TMEFF2: variants seen among roughly 807,000 people sequenced by gnomAD.
The protein encoded by TMEFF2 is tomoregulin-2.
TMEFF2 carries 28 observed loss-of-function variants against 53.8 expected under a neutral mutation model. The ratio of observed to expected loss-of-function variants is 0.52; its 90% confidence interval spans 0.39 to 0.71. The LOEUF is 0.71. Ranked by LOEUF, TMEFF2 falls within the 30% of genes least tolerant of loss-of-function variation. TMEFF2 has a pLI of 0.00. For synonymous variants in TMEFF2, 162 were observed against 166.3 expected, an observed-to-expected ratio of 0.97 and a Z score of 0.20; for missense variants, 353 against 455.2, an observed-to-expected ratio of 0.78 and a Z score of 2.04.
intron 4 of TMEFF2, among the ~76,000 whole-genome samples, chr2:192,087,965 C>T (rs1229046221): frequency 6.6e-6 from 1 of 152,118 alleles, no homozygotes; most frequent in Non-Finnish European, 1.5e-5. Context: ...CAATTAGTTC[C>T]TGCTCCTCCC....
chr2:191,979,842 CTCTATCTATCTATCGATCTA>C (rs1306834443), intron 7 of TMEFF2, among the ~76,000 whole-genome samples: 1 of 147,252 alleles, frequency 6.8e-6, no homozygotes, highest in African/African-American at 2.7e-5. Context: ...CTATATATAT[CTCTATCTATCTATCGATCTA>C]TCTATCTATC....
At chr2:192,105,472 C>T (rs934858954) in intron 4 of TMEFF2, among the ~76,000 whole-genome samples, 1 of 151,874 alleles carries the variant, frequency 6.6e-6, no homozygotes, top group Admixed American at 6.6e-5. Flanking sequence ...TTGCATCTAT[C>T]CCTCACAACC....
At chr2:192,101,328 G>C (rs1263126855) in intron 4 of TMEFF2, among the ~76,000 whole-genome samples, 1 of 151,952 alleles carries the variant, frequency 6.6e-6, no homozygotes, top group Non-Finnish European at 1.5e-5. Flanking sequence ...CATGTGCAGA[G>C]GCAATTGAAG....
chr2:191,958,580 G>A (rs904865416), intron 7 of TMEFF2, among the ~76,000 whole-genome samples: 13 of 152,178 alleles, frequency 8.5e-5, no homozygotes, highest in African/African-American at 2.9e-4. Context: ...TGAAGTATAA[G>A]GGAAAAATAA....
intron 4 of TMEFF2, among the ~76,000 whole-genome samples, chr2:192,158,819 T>C (rs893306197): frequency 1.1e-4 from 16 of 152,128 alleles, no homozygotes; most frequent in Non-Finnish European, 2.2e-4. Flanking sequence ...CTTTAGTACA[T>C]GAATTTAAAA....
At chr2:192,097,666 C>T (rs765261644) in intron 4 of TMEFF2, among the ~76,000 whole-genome samples, 4 of 152,264 alleles carry the variant, frequency 2.6e-5, no homozygotes, top group South Asian at 4.1e-4. Context: ...ACACAGGTCA[C>T]GTCATTTCTC....
At chr2:192,130,928 T>C (rs922077024) in intron 4 of TMEFF2, among the ~76,000 whole-genome samples, 6 of 150,614 alleles carry the variant, frequency 4.0e-5, no homozygotes, top group Non-Finnish European at 8.9e-5. Flanking sequence ...GAAGGCAGCC[T>C]TCCCTTGGTG....
At chr2:192,148,007 G>T (rs1311948429) in intron 4 of TMEFF2, among the ~76,000 whole-genome samples, 1 of 151,974 alleles carries the variant, frequency 6.6e-6, no homozygotes, top group Non-Finnish European at 1.5e-5. Flanking sequence ...CCTCAATTAA[G>T]GAAAGTCTGT....
rs1219553392 is a variant in TMEFF2 at position 192,132,561 on chromosome 2, T to C, written c.439+47107A>G. 2.6e-5 allele frequency among the ~76,000 whole-genome samples: 4 copies of C among 151,034 alleles called. No homozygotes were observed. The South Asian group carries it at 8.3e-4, about 31-fold the overall frequency. On this transcript the variant is annotated intron_variant, in intron 4 of 9. Coordinates refer to ENST00000272771, the MANE Select transcript of TMEFF2 (RefSeq NM_016192.4). ...ACCTCACCTTCAAGGTGTACAATAA[T>C]GAAAAAAAAAAGTTGCAATTCCTTG... is the stretch of plus-strand genomic sequence containing the variant.
chr2:191,968,265 A>G (rs1315749072), intron 7 of TMEFF2, among the ~76,000 whole-genome samples: 1 of 152,222 alleles, frequency 6.6e-6, no homozygotes, highest in Non-Finnish European at 1.5e-5. Context: ...CACTGGTGAT[A>G]TCTATATCAG....
intron 4 of TMEFF2, among the ~76,000 whole-genome samples, chr2:192,132,174 A>G (rs559308051): frequency 1.0e-4 from 15 of 150,506 alleles, no homozygotes; most frequent in Admixed American, 2.0e-4. Flanking sequence ...TCTTTTTATC[A>G]CCTCCCCTCC....
intron 4 of TMEFF2, among the ~76,000 whole-genome samples, chr2:192,075,312 T>TAA (rs1688399279): frequency 2.8e-5 from 3 of 105,760 alleles, no homozygotes; most frequent in East Asian, 6.2e-4. Context: ...TATATATATA[T>TAA]ATATATATAT....
At chr2:192,056,300 T>C (rs770119544) in intron 5 of TMEFF2, among the ~76,000 whole-genome samples, 1 of 146,386 alleles carries the variant, frequency 6.8e-6, no homozygotes, top group Admixed American at 6.8e-5. Context: ...ATAATAATAA[T>C]AGGAAGAAGA....
In TMEFF2 at chr2:192,083,759, C is replaced by T. The variant is rs184892716; in HGVS notation, c.440-25984G>A. On this transcript the variant is annotated intron_variant, in intron 4 of 9. Transcript: ENST00000272771. ...TTCTTAAAGGCCCTAATTGTATTTTCAAATTCCAGACTTTGTTTACTCTTT... is the reference window on the plus strand; with the variant it reads ...TTCTTAAAGGCCCTAATTGTATTTTTAAATTCCAGACTTTGTTTACTCTTT... 1.1e-4 allele frequency among the ~76,000 whole-genome samples: 17 copies of T among 151,230 alleles called. No homozygotes were observed. The East Asian group carries it at 2.7e-3, about 24-fold the overall frequency.
intron 4 of TMEFF2, among the ~76,000 whole-genome samples, chr2:192,061,664 C>T (rs1688047358): frequency 6.6e-6 from 1 of 152,072 alleles, no homozygotes; most frequent in South Asian, 2.1e-4. Context: ...CTACGAATCT[C>T]ATGTTGAGGT....
chr2:192,125,657 G>A (rs947510404), intron 4 of TMEFF2, among the ~76,000 whole-genome samples: 9 of 152,214 alleles, frequency 5.9e-5, no homozygotes, highest in African/African-American at 2.2e-4. Flanking sequence ...TAAAGAAAAT[G>A]TGGTACATAA....
At chr2:191,950,586 G>C (rs10194593) in intron 9 of TMEFF2, 179 bp from the exon 10 acceptor site, 234,174 of 890,358 alleles carry the variant, frequency 0.26, 32,580 homozygotes, top group Non-Finnish European at 0.29. Context: ...TTTCTGTGCA[G>C]TTGTCTTTAA....
intron 8 of TMEFF2, among the ~76,000 whole-genome samples, chr2:191,954,429 A>G (rs1295950659): frequency 1.3e-5 from 2 of 152,332 alleles, no homozygotes; most frequent in East Asian, 3.9e-4. Context: ...GAGAGATAAT[A>G]CATGTCCAGG....
intron 4 of TMEFF2, among the ~76,000 whole-genome samples, chr2:192,085,709 GA>G (rs3053715): frequency 0.015 from 2,090 of 142,272 alleles, 46 homozygotes; most frequent in African/African-American, 0.047. Flanking sequence ...ATAGAAGCAG[GA>G]AAAAAAAAAA....
Sources: gnomAD v4.1 joint callset for allele counts (sites outside exome capture counted in the v4.1 genomes callset) on GRCh38, gnomAD v4.1.1 for gene constraint, MANE v1.5 for transcripts, NCBI Gene and HGNC (gene_info 2026-07-23, HGNC 2026-07-21) for gene names.